Variants in KHDRBS2 observed in about 807,000 individuals in gnomAD.
KHDRBS2 encodes KH domain-containing, RNA-binding, signal transduction-associated protein 2.
In KHDRBS2, 26 loss-of-function variants were observed where a neutral mutation model predicts 44.3. The ratio of observed to expected loss-of-function variants is 0.59; its 90% CI spans 0.43 to 0.81. KHDRBS2 has a LOEUF of 0.81. Among genes scored for constraint, KHDRBS2 ranks in the 40% least tolerant of loss-of-function variants. The probability of loss-of-function intolerance (pLI) is 0.00; values close to 1 mark genes in which losing one functional copy is unlikely to be tolerated. For missense variants in KHDRBS2, 476 were observed against 433.1 expected (o/e 1.10, Z -0.88); for synonymous variants, 194 against 151.1 (o/e 1.28, Z -2.08).
At chr6:61,668,502 A>G in the KHDRBS2 span, among the ~76,000 whole-genome samples, 1 of 151,074 alleles carries the variant, frequency 6.6e-6, no homozygotes, top group African/African-American at 2.4e-5. Context: ...GAAGCTCCAG[A>G]TGTATTCAGG....
rs150104467 is a variant in KHDRBS2 at position 61,719,899 on chromosome 6, G to A, written c.893+12783C>T. ...CCCACTAACTCGTCATCTAGCATTA[G>A]GTACATCTCCCAGTGCTATGCCTCC... On this transcript the variant is annotated intron_variant, in intron 7 of 8. Coordinates refer to ENST00000281156, the MANE Select transcript of KHDRBS2 (RefSeq NM_152688.4). Among the ~76,000 whole-genome samples the A allele has an allele frequency of 8.4e-3, 1,274 of 152,054 alleles. 18 individuals are homozygous for A. Among genetic ancestry groups the A allele is most frequent in the African/African-American group, 0.029 (1,189 of 41,478 alleles).
At position 61,978,069 on chromosome 6, in the gene KHDRBS2, A is replaced by G; in HGVS notation, c.480T>C (p.Val160=). Residue 160 remains valine, a synonymous_variant, in exon 4 of 9, where the codon GTT becomes GTC. Transcript: ENST00000281156. ...HALEEIKKFL[V]PDYNDEIRQE... ...GTAAAAAATGAAAGACACTTACAGG[A>G]ACCAGGAATTTTTTAATCTCTTCCA... 1.3e-6 allele frequency: 2 copies of G among 1,589,356 alleles called. No individual in the cohort carries two copies. Among genetic ancestry groups the G allele is most frequent in the Non-Finnish European group, 1.7e-6 (2 of 1,172,816 alleles).
the KHDRBS2 span, among the ~76,000 whole-genome samples, chr6:61,670,829 T>A: frequency 6.6e-6 from 1 of 151,664 alleles, no homozygotes; most frequent in African/African-American, 2.4e-5. Flanking sequence ...TCATTAAATA[T>A]ATTTCTCTTT....
At chr6:61,981,220 G>A (rs553255823) in intron 3 of KHDRBS2, among the ~76,000 whole-genome samples, 1 of 152,224 alleles carries the variant, frequency 6.6e-6, no homozygotes, top group East Asian at 1.9e-4. Flanking sequence ...ATGACAAAAT[G>A]TATATCAAAA....
At chr6:62,250,074 C>T (rs1251068521) in intron 1 of KHDRBS2, among the ~76,000 whole-genome samples, 3 of 151,944 alleles carry the variant, frequency 2.0e-5, no homozygotes, top group Non-Finnish European at 4.4e-5. Flanking sequence ...TAAATGGGAA[C>T]AGTTCTAGGG....
intron 4 of KHDRBS2, among the ~76,000 whole-genome samples, chr6:61,959,753 A>G (rs1054391375): frequency 6.6e-6 from 1 of 152,190 alleles, no homozygotes; most frequent in Non-Finnish European, 1.5e-5. Flanking sequence ...GATTCACAAC[A>G]AAGTTAAGTC....
chr6:62,121,844 C>T (rs1807722205), intron 2 of KHDRBS2, among the ~76,000 whole-genome samples: 1 of 152,172 alleles, frequency 6.6e-6, no homozygotes, highest in Non-Finnish European at 1.5e-5. Flanking sequence ...ATAAATCTGA[C>T]TAAAATTCAG....
intron 6 of KHDRBS2, among the ~76,000 whole-genome samples, chr6:61,866,700 A>T (rs1797854964): frequency 6.6e-6 from 1 of 152,202 alleles, no homozygotes; most frequent in Admixed American, 6.5e-5. Context: ...CTTTAACAGC[A>T]CCAAAGTCAC....
the KHDRBS2 span, among the ~76,000 whole-genome samples, chr6:61,665,494 A>G: frequency 6.6e-6 from 1 of 151,432 alleles, no homozygotes; most frequent in Non-Finnish European, 1.5e-5. Flanking sequence ...AATAGATAAT[A>G]CTTATTTCTA....
At chr6:61,990,864 C>G (rs1321147592) in intron 3 of KHDRBS2, among the ~76,000 whole-genome samples, 2 of 152,102 alleles carry the variant, frequency 1.3e-5, no homozygotes, top group Non-Finnish European at 2.9e-5. Flanking sequence ...CACGCACCAC[C>G]ATGCCCAGTT....
At chr6:61,962,750 C>A (rs905524611) in intron 4 of KHDRBS2, among the ~76,000 whole-genome samples, 7 of 152,028 alleles carry the variant, frequency 4.6e-5, no homozygotes, top group African/African-American at 1.7e-4. Flanking sequence ...GTCATGACTA[C>A]AGTCTAGGCC....
At chr6:62,167,374 A>G (rs9351718) in intron 2 of KHDRBS2, among the ~76,000 whole-genome samples, 84,837 of 151,876 alleles carry the variant, frequency 0.56, 24,288 homozygotes, top group Non-Finnish European at 0.62. Flanking sequence ...TTAAAAAAAT[A>G]CAAAATGGAA....
At chr6:62,098,581 G>C (rs941297191) in intron 2 of KHDRBS2, among the ~76,000 whole-genome samples, 1 of 151,976 alleles carries the variant, frequency 6.6e-6, no homozygotes, top group Non-Finnish European at 1.5e-5. Flanking sequence ...TCCTATCTTT[G>C]TCTTCGACCT....
At chr6:62,081,758 C>T (rs1263396616) in intron 2 of KHDRBS2, among the ~76,000 whole-genome samples, 1 of 151,492 alleles carries the variant, frequency 6.6e-6, no homozygotes, top group Non-Finnish European at 1.5e-5. Flanking sequence ...TTTCATTTAT[C>T]ATCTCATATT....
At chr6:62,066,412 A>G (rs765232222) in intron 2 of KHDRBS2, among the ~76,000 whole-genome samples, 7 of 151,676 alleles carry the variant, frequency 4.6e-5, no homozygotes, top group Admixed American at 2.6e-4. Context: ...TAAAAGTAAC[A>G]TCTTAATGAC....
chr6:61,882,656 A>T (rs796205636), intron 6 of KHDRBS2, among the ~76,000 whole-genome samples: 1 of 152,144 alleles, frequency 6.6e-6, no homozygotes, highest in East Asian at 1.9e-4. Flanking sequence ...CATCTACAGC[A>T]TCCCTAGTAA....
intron 1 of KHDRBS2, among the ~76,000 whole-genome samples, chr6:62,249,285 T>C (rs1170256837): frequency 1.3e-5 from 2 of 152,046 alleles, no homozygotes. Context: ...AATCAATAAG[T>C]CCTTAATGAA....
At chr6:62,083,637 C>T (rs1797849842) in intron 2 of KHDRBS2, among the ~76,000 whole-genome samples, 2 of 152,148 alleles carry the variant, frequency 1.3e-5, no homozygotes, top group Non-Finnish European at 1.5e-5. Flanking sequence ...CTCAGAAGTG[C>T]TCATCCCTAC....
At chr6:62,272,808 TGTA>T (rs2150189826) in intron 1 of KHDRBS2, among the ~76,000 whole-genome samples, 1 of 152,152 alleles carries the variant, frequency 6.6e-6, no homozygotes, top group East Asian at 1.9e-4. Flanking sequence ...TAATATCGTA[TGTA>T]GTTTTGTAAA....
Sources: gnomAD v4.1 joint callset for allele counts (sites outside exome capture counted in the v4.1 genomes callset) on GRCh38, gnomAD v4.1.1 for gene constraint, MANE v1.5 for transcripts, NCBI Gene and HGNC (gene_info 2026-07-23, HGNC 2026-07-21) for gene names.